The following CFAP52 variants were observed in gnomAD, a reference collection of about 807,000 sequenced individuals.
CFAP52 encodes the protein cilia- and flagella-associated protein 52.
In CFAP52, 57 loss-of-function variants were observed where a neutral mutation model predicts 70.5. The observed-to-expected ratio is 0.81, with a 90% CI of 0.65 to 1.01. The LOEUF (loss-of-function observed/expected upper bound fraction) is 1.01. Ranked by LOEUF, CFAP52 falls within the 50% of genes least tolerant of loss-of-function variation. The pLI, the probability that CFAP52 is intolerant of heterozygous loss-of-function variation, is 0.00. For missense variants in CFAP52, 785 were observed against 788.5 expected (o/e 1.00, Z 0.05); for synonymous variants, 267 against 292.5 (o/e 0.91, Z 0.89).
intron 9 of CFAP52, among the ~76,000 whole-genome samples, chr17:9,631,822 C>T (rs1249231362): frequency 6.7e-6 from 1 of 148,898 alleles, no homozygotes; most frequent in Non-Finnish European, 1.5e-5. Flanking sequence ...GCTGGGAGTG[C>T]AGTGCTGTGA....
intron 7 of CFAP52, among the ~76,000 whole-genome samples, chr17:9,609,804 C>A (rs1173069154): frequency 2.0e-5 from 3 of 151,892 alleles, no homozygotes; most frequent in Admixed American, 2.0e-4. Context: ...CAGTTTCATG[C>A]TTGTATGAAG....
At chr17:9,591,882 A>C (rs1372199044) in intron 3 of CFAP52, among the ~76,000 whole-genome samples, 3 of 152,158 alleles carry the variant, frequency 2.0e-5, no homozygotes, top group Admixed American at 2.0e-4. Flanking sequence ...TGTCTCAAAA[A>C]AAAAATTGTT....
In CFAP52 at chr17:9,598,084, T is replaced by G. The variant is rs1909098753; in HGVS notation, c.537-150T>G. ...TAAAACCTGCCTCGTGGTGGTGTTA[T>G]GAGGATCGAATAAAAGATCTTTCAT... On this transcript the variant is annotated intron_variant, in intron 4 of 13. Transcript: ENST00000352665. 5.0e-6 allele frequency: 3 copies of G among 603,356 alleles called. No homozygotes were observed. The South Asian group carries it at 6.1e-5, about 12-fold the overall frequency. 37.4% of individuals were successfully genotyped at this position (603,356 alleles called of 1,614,324 possible). A position where few individuals can be genotyped will look rare whatever the true frequency, so the allele number is the denominator to read the frequency against.
At chr17:9,628,903 CATGTGG>C (rs1472908933) in intron 9 of CFAP52, 83 bp downstream of exon 9, 1 of 1,581,318 alleles carries the variant, frequency 6.3e-7, no homozygotes, top group Non-Finnish European at 8.6e-7. Context: ...CTAGTCTCTA[CATGTGG>C]ATAACCTAGA....
At chr17:9,579,374 C>T (rs914174887) in intron 1 of CFAP52, among the ~76,000 whole-genome samples, 18 of 151,896 alleles carry the variant, frequency 1.2e-4, no homozygotes, top group African/African-American at 3.9e-4. Context: ...GGTTGCAGAA[C>T]GGCAAATAGC....
chr17:9,602,816 C>T (rs1304414285), intron 6 of CFAP52, among the ~76,000 whole-genome samples: 3 of 152,176 alleles, frequency 2.0e-5, no homozygotes, highest in Non-Finnish European at 4.4e-5. Context: ...TTCTAACTAA[C>T]GTGAGATGGT....
intron 5 of CFAP52, among the ~76,000 whole-genome samples, chr17:9,599,457 GT>G (rs1909168354): frequency 6.6e-6 from 1 of 152,168 alleles, no homozygotes; most frequent in Non-Finnish European, 1.5e-5. Context: ...CTTAAGAGAT[GT>G]CTCAAAATTC....
At chr17:9,593,559 G>T (rs1263055008) in intron 3 of CFAP52, among the ~76,000 whole-genome samples, 1 of 152,030 alleles carries the variant, frequency 6.6e-6, no homozygotes, top group Admixed American at 6.5e-5. Context: ...GGATTCAAGC[G>T]ATTCTCCTGC....
At chr17:9,583,064 T>G (rs1031820050) in intron 1 of CFAP52, among the ~76,000 whole-genome samples, 1 of 152,242 alleles carries the variant, frequency 6.6e-6, no homozygotes, top group African/African-American at 2.4e-5. Context: ...TTTTCACATT[T>G]AGGTCTTTGA....
intron 1 of CFAP52, 73 bp from the exon 2 acceptor site, chr17:9,585,700 T>G: frequency 4.8e-6 from 7 of 1,452,226 alleles, no homozygotes; most frequent in Non-Finnish European, 6.7e-6. Flanking sequence ...AAGTGTTGTG[T>G]TTTGTACTCA....
Position 9,612,340 on chromosome 17 carries a change from A to T in CFAP52, c.886A>T (p.Ile296Phe), listed in dbSNP as rs774282830. ...KIQLQGGITS[I>F]TLRGEGHQFL... ...TCAGTTACAAGGCGGCATCACTTCT[A>T]TCACACTTCGAGGAGAAGGACACCA... Residue 296 changes from isoleucine to phenylalanine, a missense_variant, in exon 8 of 14, where the codon ATC becomes TTC. Coordinates refer to ENST00000352665, the MANE Select transcript of CFAP52 (RefSeq NM_145054.5). The T allele has an allele frequency of 6.2e-7, 1 of 1,614,200 alleles. No individual in the cohort carries two copies. The highest frequency in any genetic ancestry group is 2.2e-5 in the East Asian group (1 of 44,882).
At chr17:9,612,032 T>C (rs1368460334) in intron 7 of CFAP52, among the ~76,000 whole-genome samples, 1 of 152,206 alleles carries the variant, frequency 6.6e-6, no homozygotes, top group Non-Finnish European at 1.5e-5. Context: ...CCTGGAATAT[T>C]CCCTCTACCC....
intron 6 of CFAP52, among the ~76,000 whole-genome samples, chr17:9,606,666 T>A (rs1481869561): frequency 6.6e-6 from 1 of 152,202 alleles, no homozygotes; most frequent in Admixed American, 6.6e-5. Context: ...TCTATAGTTT[T>A]AAAAAGTTTA....
At chr17:9,645,527 C>A, downstream of CFAP52, 1 of 1,056,150 alleles carries the variant, frequency 9.5e-7, no homozygotes, top group Non-Finnish European at 1.2e-6. The surrounding 1 kb of genome is among the most constrained non-coding windows in gnomAD (Gnocchi z 6.8). Flanking sequence ...ACACCTGGCC[C>A]GCAGGTAGCC....
chr17:9,630,996 AAG>A (rs1400090492), intron 9 of CFAP52, among the ~76,000 whole-genome samples: 6 of 50,536 alleles, frequency 1.2e-4, no homozygotes, highest in African/African-American at 9.4e-4. Flanking sequence ...AAAAAAAAGA[AAG>A]AAAGAAAGAA....
At chr17:9,604,860 C>T (rs865909706) in intron 6 of CFAP52, among the ~76,000 whole-genome samples, 1 of 152,032 alleles carries the variant, frequency 6.6e-6, no homozygotes, top group Admixed American at 6.5e-5. Flanking sequence ...TGTCTTATAT[C>T]AGCCGGGAAA....
intron 3 of CFAP52, among the ~76,000 whole-genome samples, chr17:9,589,185 T>G (rs1393293975): frequency 6.6e-6 from 1 of 152,180 alleles, no homozygotes; most frequent in African/African-American, 2.4e-5. Context: ...AGGATCACAA[T>G]CTGTAGAAGA....
chr17:9,634,048 A>C (rs761414458), intron 10 of CFAP52, among the ~76,000 whole-genome samples: 1 of 152,108 alleles, frequency 6.6e-6, no homozygotes, highest in Non-Finnish European at 1.5e-5. Context: ...CGTTTTGACC[A>C]TTATTTTTAA....
chr17:9,628,830 A>G lies in CFAP52; in HGVS notation c.1174+10A>G. Reference sequence around the variant, plus strand: ...AAAAGCATCATTTCAGGTAACGTCCACATGTCAAGATCTGGCTTGGGGCTC... The same window carrying G: ...AAAAGCATCATTTCAGGTAACGTCCGCATGTCAAGATCTGGCTTGGGGCTC... On this transcript the variant is annotated intron_variant, in intron 9 of 13. Coordinates refer to ENST00000352665, the MANE Select transcript of CFAP52 (RefSeq NM_145054.5). 1.9e-6 allele frequency: 3 copies of G among 1,613,996 alleles called. No individual in the cohort carries two copies. Among genetic ancestry groups the G allele is most frequent in the Non-Finnish European group, 2.5e-6 (3 of 1,179,916 alleles).
Sources: gnomAD v4.1 joint callset for allele counts (sites outside exome capture counted in the v4.1 genomes callset) on GRCh38, gnomAD v4.1.1 for gene constraint, Gnocchi (gnomAD v3.1) non-coding constraint, MANE v1.5 for transcripts, NCBI Gene and HGNC (gene_info 2026-07-23, HGNC 2026-07-21) for gene names.